KCNT2: variants seen among roughly 807,000 people sequenced by gnomAD.
The protein encoded by KCNT2 is potassium sodium-activated channel subfamily T member 2, also known as potassium channel subfamily T member 2.
In KCNT2, 67 loss-of-function variants were observed where a neutral mutation model predicts 153.8. The ratio of observed to expected loss-of-function variants is 0.44; its 90% CI spans 0.36 to 0.53. The LOEUF is 0.53. Among genes scored for constraint, KCNT2 ranks in the 20% least tolerant of loss-of-function variants. The probability of loss-of-function intolerance (pLI) is 0.00; values close to 1 mark genes in which losing one functional copy is unlikely to be tolerated. For missense variants in KCNT2, 975 were observed against 1,354.8 expected (o/e 0.72, Z 4.40); for synonymous variants, 500 against 458.8 (o/e 1.09, Z -1.15).
rs192983272 is a variant in KCNT2, at chr1:196,595,145, G to A, written c.95+13070C>T. Among the ~76,000 whole-genome samples, 199 of 151,958 alleles carry A rather than the reference G, an allele frequency of 1.3e-3. 2 individuals carry two copies. Among genetic ancestry groups the A allele is most frequent in the African/African-American group, 4.5e-3 (187 of 41,472 alleles). The stretch of plus-strand genomic sequence containing the variant: ...ATAAGATAGGATGAAACTGTACCAA[G>A]AAAGAATAGGTGGAGCTCAATACCT... On this transcript the variant is annotated intron_variant, in intron 1 of 27. Coordinates refer to ENST00000294725, the MANE Select transcript of KCNT2 (RefSeq NM_198503.5).
intron 14 of KCNT2, among the ~76,000 whole-genome samples, chr1:196,364,908 A>G (rs1667912082): frequency 6.6e-6 from 1 of 152,106 alleles, no homozygotes; most frequent in South Asian, 2.1e-4. Context: ...GAACATATTT[A>G]CAATGTTGCA....
chr1:196,284,341 T>C (rs1273110119), intron 23 of KCNT2, among the ~76,000 whole-genome samples: 1 of 139,272 alleles, frequency 7.2e-6, no homozygotes, highest in Non-Finnish European at 1.6e-5. Context: ...TATCTCTATT[T>C]ATAACATAAA....
At chr1:196,321,076 C>T (rs1369266699) in intron 19 of KCNT2, among the ~76,000 whole-genome samples, 2 of 151,138 alleles carry the variant, frequency 1.3e-5, no homozygotes, top group African/African-American at 4.9e-5. Context: ...TTTAAAGATC[C>T]TGATATATGT....
At chr1:196,290,655 A>T (rs1164414213) in intron 22 of KCNT2, among the ~76,000 whole-genome samples, 4 of 151,616 alleles carry the variant, frequency 2.6e-5, no homozygotes, top group Non-Finnish European at 5.9e-5. Flanking sequence ...TTACTTATGT[A>T]CTATAATTTT....
At chr1:196,531,282 A>G (rs947836562) in intron 1 of KCNT2, among the ~76,000 whole-genome samples, 1 of 152,062 alleles carries the variant, frequency 6.6e-6, no homozygotes, top group African/African-American at 2.4e-5. Flanking sequence ...ATCCCCTCAC[A>G]GACTTCCAAA....
At position 196,226,058 on chromosome 1, in the gene KCNT2, G is replaced by A. The variant is rs918336279; in HGVS notation, c.*2166C>T. 9 of 151,568 alleles carry A rather than the reference G, an allele frequency of 5.9e-5. No individual in the cohort carries two copies. The allele number at this position is 151,568 out of a possible 1,614,324, so 9.4% of individuals were successfully genotyped here. A position where few individuals can be genotyped will look rare whatever the true frequency, so the allele number is the denominator to read the frequency against. On this transcript the variant is annotated 3_prime_UTR_variant, in exon 28 of 28. Coordinates refer to ENST00000294725, the MANE Select transcript of KCNT2 (RefSeq NM_198503.5). Reference sequence around the variant, plus strand: ...ATGAACTGTGTCAAATATTAAATTTGGACTAATGTTCATAGTCAAAAATAA... The same window carrying A: ...ATGAACTGTGTCAAATATTAAATTTAGACTAATGTTCATAGTCAAAAATAA...
chr1:196,488,978 C>T (rs932905153), intron 3 of KCNT2, among the ~76,000 whole-genome samples: 2 of 151,890 alleles, frequency 1.3e-5, no homozygotes, highest in African/African-American at 4.8e-5. Flanking sequence ...GGCACAATAC[C>T]CATAAGGATT....
intron 13 of KCNT2, among the ~76,000 whole-genome samples, chr1:196,375,711 C>T (rs1288938425): frequency 1.3e-5 from 2 of 151,284 alleles, no homozygotes; most frequent in Non-Finnish European, 3.0e-5. Context: ...CTCTGAATTT[C>T]ATTTCAAAAT....
At chr1:196,304,825 C>T (rs888660881) in intron 22 of KCNT2, among the ~76,000 whole-genome samples, 4 of 152,146 alleles carry the variant, frequency 2.6e-5, no homozygotes, top group African/African-American at 7.2e-5. Context: ...CCCTCTGAGA[C>T]CTTGCCAAAC....
intron 27 of KCNT2, among the ~76,000 whole-genome samples, chr1:196,233,252 A>G (rs1245245171): frequency 6.6e-6 from 1 of 151,466 alleles, no homozygotes; most frequent in Non-Finnish European, 1.5e-5. Flanking sequence ...ATTGTTATTC[A>G]TCTGTTTCCC....
rs571649235 is a variant in KCNT2 at position 196,523,570 on chromosome 1, G to A, written c.96-31229C>T. On this transcript the variant is annotated intron_variant, in intron 1 of 27. Coordinates refer to ENST00000294725, the MANE Select transcript of KCNT2 (RefSeq NM_198503.5). Reference sequence around the variant, plus strand: ...AGCAGATTTTCCTTCATGGTGGCAAGATGTCTGCAACTGCTCCAGAAATTG... The same window carrying A: ...AGCAGATTTTCCTTCATGGTGGCAAAATGTCTGCAACTGCTCCAGAAATTG... Among the ~76,000 whole-genome samples the A allele has an allele frequency of 3.3e-5, 5 of 152,266 alleles. No homozygotes were observed. The East Asian group carries it at 9.6e-4, about 29-fold the overall frequency.
At chr1:196,388,335 A>G (rs1670176011) in intron 13 of KCNT2, among the ~76,000 whole-genome samples, 1 of 151,744 alleles carries the variant, frequency 6.6e-6, no homozygotes, top group Non-Finnish European at 1.5e-5. Context: ...CAACAGAGGT[A>G]CTACGGATAT....
chr1:196,366,891 T>A (rs1260085597), intron 14 of KCNT2, among the ~76,000 whole-genome samples: 1 of 152,146 alleles, frequency 6.6e-6, no homozygotes, highest in African/African-American at 2.4e-5. Context: ...ATGGATTAGG[T>A]AAAAATTATT....
At chr1:196,297,393 C>G (rs1207815016) in intron 22 of KCNT2, among the ~76,000 whole-genome samples, 6 of 152,076 alleles carry the variant, frequency 3.9e-5, no homozygotes, top group African/African-American at 1.4e-4. Context: ...ACATATGCAG[C>G]AGCTGTGTGG....
chr1:196,321,113 A>G (rs150066463), intron 19 of KCNT2, among the ~76,000 whole-genome samples: 1 of 151,922 alleles, frequency 6.6e-6, no homozygotes, highest in East Asian at 1.9e-4. Context: ...AACCAAATAT[A>G]CACTCCAGTA....
At chr1:196,532,848 A>G (rs1183308702) in intron 1 of KCNT2, among the ~76,000 whole-genome samples, 1 of 152,038 alleles carries the variant, frequency 6.6e-6, no homozygotes, top group African/African-American at 2.4e-5. Flanking sequence ...CATACAACCT[A>G]TAATGTAAGG....
chr1:196,306,471 A>G (rs1326433760), intron 21 of KCNT2, among the ~76,000 whole-genome samples: 1 of 152,020 alleles, frequency 6.6e-6, no homozygotes, highest in African/African-American at 2.4e-5. Flanking sequence ...CCTGTCCTTG[A>G]GCTCCAGCAT....
At chr1:196,325,742 CA>C (rs1027577471) in intron 19 of KCNT2, among the ~76,000 whole-genome samples, 11 of 151,998 alleles carry the variant, frequency 7.2e-5, no homozygotes, top group African/African-American at 2.7e-4. Flanking sequence ...GAAAATTCTT[CA>C]AATGAAAATT....
rs1288290319 is a variant in KCNT2, at chr1:196,425,979, C to T, written c.994G>A (p.Val332Met). 1 of 1,611,446 alleles carries T rather than the reference C, an allele frequency of 6.2e-7. No homozygotes were observed. The highest frequency in any genetic ancestry group is 8.5e-7 in the Non-Finnish European group (1 of 1,178,474). The change falls in exon 11 of 28, where the codon GTG becomes ATG. Residue 332 changes from valine to methionine, a missense_variant. By Grantham distance (21) the Val-to-Met change is conservative (BLOSUM62 1). Coordinates refer to ENST00000294725, the MANE Select transcript of KCNT2 (RefSeq NM_198503.5). ...ATTTCAGTAGGACACAAAATCACCA[C>T]ATAATAATCCTATTCAAAACAAAAT... ...YAHPRLQDYY[V>M]VILCPTEMDV... is the part of the protein sequence containing the mutation.
Sources: allele counts gnomAD v4.1 joint callset (sites outside exome capture counted in the v4.1 genomes callset), GRCh38; gene constraint gnomAD v4.1.1; transcripts MANE v1.5; gene names NCBI Gene and HGNC (gene_info 2026-07-23, HGNC 2026-07-21).